Variants in RAB30 observed in about 807,000 individuals in gnomAD.
The protein encoded by RAB30 is ras-related protein Rab-30.
A neutral mutation model predicts 25.1 loss-of-function variants in RAB30; 9 were observed. The observed-to-expected ratio is 0.36, with a 90% CI of 0.22 to 0.63. The LOEUF is 0.63. Ranked by LOEUF, RAB30 falls within the 20% of genes least tolerant of loss-of-function variation. RAB30 has a pLI of 0.69. For missense variants in RAB30, 140 were observed against 243.5 expected, an observed-to-expected ratio of 0.58 and a Z score of 2.83; for synonymous variants, 77 against 86.4, an observed-to-expected ratio of 0.89 and a Z score of 0.60.
intron 1 of RAB30, among the ~76,000 whole-genome samples, chr11:83,055,572 A>C (rs906382625): frequency 1.3e-5 from 2 of 152,178 alleles, no homozygotes; most frequent in African/African-American, 2.4e-5. Context: ...TTCCTGTCTC[A>C]CTGATCACTT....
chr11:83,060,548 C>T (rs1006878304), intron 1 of RAB30, among the ~76,000 whole-genome samples: 5 of 152,082 alleles, frequency 3.3e-5, no homozygotes, highest in South Asian at 2.1e-4. Flanking sequence ...CTATGATGCA[C>T]GGGGAGGGAT....
chr11:82,985,914 G>T (rs1231263183), intron 4 of RAB30, among the ~76,000 whole-genome samples: 1 of 151,902 alleles, frequency 6.6e-6, no homozygotes, highest in Non-Finnish European at 1.5e-5. Context: ...AGAACTGCTG[G>T]GCTCAAGCAA....
At chr11:82,995,227 T>G (rs1234751643) in intron 2 of RAB30, among the ~76,000 whole-genome samples, 1 of 152,228 alleles carries the variant, frequency 6.6e-6, no homozygotes, top group Non-Finnish European at 1.5e-5. Context: ...TAATTAAGAA[T>G]TATTTAAAGT....
chr11:83,043,641 CT>C (rs979716905), intron 1 of RAB30, among the ~76,000 whole-genome samples: 35 of 152,138 alleles, frequency 2.3e-4, no homozygotes, highest in Non-Finnish European at 5.9e-5. Context: ...GCCCTACCCC[CT>C]AGTGTAAATA....
chr11:83,034,395 G>T (rs1857942700), intron 1 of RAB30: 1 of 152,214 alleles, frequency 6.6e-6, no homozygotes, highest in Non-Finnish European at 1.5e-5. Flanking sequence ...AGCCAGCTTT[G>T]CCCCAAAGAG....
At chr11:83,004,416 T>C (rs1857145100) in intron 1 of RAB30, among the ~76,000 whole-genome samples, 1 of 152,208 alleles carries the variant, frequency 6.6e-6, no homozygotes, top group Non-Finnish European at 1.5e-5. Context: ...ACATCCCATC[T>C]GAGTACTCAG....
chr11:83,023,974 A>C (rs1373157082), intron 1 of RAB30, among the ~76,000 whole-genome samples: 1 of 152,152 alleles, frequency 6.6e-6, no homozygotes, highest in Non-Finnish European at 1.5e-5. Flanking sequence ...ACCTCGACAG[A>C]GTTTAATCCG....
intron 1 of RAB30, among the ~76,000 whole-genome samples, chr11:83,047,729 AT>A (rs1161198395): frequency 1.3e-5 from 2 of 152,200 alleles, no homozygotes; most frequent in African/African-American, 4.8e-5. Context: ...ACTGCTATGT[AT>A]AAACCTCTTG....
intron 1 of RAB30, among the ~76,000 whole-genome samples, chr11:83,056,415 T>C (rs1301530004): frequency 6.6e-6 from 1 of 152,222 alleles, no homozygotes; most frequent in Admixed American, 6.5e-5. Flanking sequence ...ATTTTGTTTA[T>C]CCATTCAACC....
chr11:82,994,081 A>G lies in RAB30; in HGVS notation c.135T>C (p.Asp45=), dbSNP rs1393870333. 2 of 1,612,122 alleles carry G rather than the reference A, an allele frequency of 1.2e-6. No homozygotes were observed. The highest frequency in any genetic ancestry group is 2.2e-5 in the South Asian group (2 of 90,990). ...PPGQGATIGV[D]FMIKTVEING... is the part of the protein sequence containing the mutation. Reference sequence around the variant, plus strand: ...TAATCTCCACTGTCTTAATCATAAAATCAACTCCAATTGTGGCTCCTTGAC... The same window carrying G: ...TAATCTCCACTGTCTTAATCATAAAGTCAACTCCAATTGTGGCTCCTTGAC... Residue 45 remains aspartate (D), a synonymous_variant, in exon 3 of 5, where the codon GAT becomes GAC. Coordinates refer to ENST00000527633, the MANE Select transcript of RAB30 (RefSeq NM_001286060.2).
chr11:83,052,148 CA>C (rs1858371205), intron 1 of RAB30, among the ~76,000 whole-genome samples: 1 of 152,184 alleles, frequency 6.6e-6, no homozygotes, highest in African/African-American at 2.4e-5. Context: ...CTCTTTGAGC[CA>C]AATTTGGTCT....
chr11:83,012,258 A>T (rs923106186), intron 1 of RAB30, among the ~76,000 whole-genome samples: 1 of 152,196 alleles, frequency 6.6e-6, no homozygotes, highest in Non-Finnish European at 1.5e-5. Context: ...TTTGCCTCCA[A>T]TGCTTTTAGA....
chr11:82,998,202 A>AGGGG (rs1856999998), intron 1 of RAB30, among the ~76,000 whole-genome samples: 1 of 152,204 alleles, frequency 6.6e-6, no homozygotes, highest in African/African-American at 2.4e-5. Context: ...CCCCTGGGAC[A>AGGGG]GAGTTACTCT....
chr11:83,029,972 A>C (rs1857815337), intron 1 of RAB30, among the ~76,000 whole-genome samples: 1 of 152,194 alleles, frequency 6.6e-6, no homozygotes, highest in Non-Finnish European at 1.5e-5. Flanking sequence ...TTCTTACTTA[A>C]GTGGGAACTA....
chr11:82,994,192 C>A (rs763492156), intron 2 of RAB30, 70 bp from the exon 3 acceptor site: 4 of 1,278,172 alleles, frequency 3.1e-6, no homozygotes, highest in Non-Finnish European at 4.5e-6. Context: ...CTCCTCTCCC[C>A]CAGCAACACC....
chr11:83,027,546 G>A (rs1208204716), intron 1 of RAB30, among the ~76,000 whole-genome samples: 1 of 152,098 alleles, frequency 6.6e-6, no homozygotes, highest in Non-Finnish European at 1.5e-5. Context: ...CGTACCGTGA[G>A]GCTCAGAGCT....
chr11:83,058,721 C>G (rs1389497732), intron 1 of RAB30, among the ~76,000 whole-genome samples: 2 of 152,212 alleles, frequency 1.3e-5, no homozygotes, highest in African/African-American at 4.8e-5. Context: ...TTCCTTGTAA[C>G]TATTTTCCTT....
chr11:83,036,318 C>A (rs1185650576), intron 1 of RAB30, among the ~76,000 whole-genome samples: 1 of 152,038 alleles, frequency 6.6e-6, no homozygotes, highest in Non-Finnish European at 1.5e-5. Flanking sequence ...AGGCAGGCAC[C>A]ACCATGCCCA....
intron 1 of RAB30, among the ~76,000 whole-genome samples, chr11:83,064,645 A>AT (rs1242032211): frequency 1.3e-5 from 2 of 152,180 alleles, no homozygotes; most frequent in African/African-American, 4.8e-5. Flanking sequence ...GGCTGATTAA[A>AT]TACTTGAAAT....
Sources: allele counts gnomAD v4.1 joint callset (sites outside exome capture counted in the v4.1 genomes callset), GRCh38; gene constraint gnomAD v4.1.1; transcripts MANE v1.5; gene names NCBI Gene and HGNC (gene_info 2026-07-23, HGNC 2026-07-21).